Variants in RBFOX1 observed in about 807,000 individuals in gnomAD.
RBFOX1 encodes RNA binding protein fox-1 homolog 1.
RBFOX1 carries 8 observed loss-of-function variants against 57.7 expected under a neutral mutation model. The ratio of observed to expected loss-of-function variants is 0.14; its 90% confidence interval spans 0.08 to 0.25. The LOEUF is 0.25. Among genes scored for constraint, RBFOX1 ranks in the 10% least tolerant of loss-of-function variants. The pLI is 1.00. For synonymous variants in RBFOX1, 326 were observed against 222.4 expected, an observed-to-expected ratio of 1.47 and a Z score of -4.15; for missense variants, 611 against 548.5, an observed-to-expected ratio of 1.11 and a Z score of -1.14.
intron 3 of RBFOX1, among the ~76,000 whole-genome samples, chr16:6,680,669 A>T (rs954555051): frequency 2.0e-5 from 3 of 152,170 alleles, no homozygotes; most frequent in Admixed American, 2.0e-4. Context: ...TTCCACTATC[A>T]AAGTTTACCG....
intron 1 of RBFOX1, among the ~76,000 whole-genome samples, chr16:6,111,504 C>G (rs534419806): frequency 6.6e-6 from 1 of 152,168 alleles, no homozygotes; most frequent in African/African-American, 2.4e-5. Flanking sequence ...CAGTGAATTT[C>G]TTAAAAGGAT....
chr16:6,970,191 A>G (rs1370109433), intron 3 of RBFOX1, among the ~76,000 whole-genome samples: 3 of 151,364 alleles, frequency 2.0e-5, no homozygotes, highest in African/African-American at 7.3e-5. Context: ...AAAAATAAAA[A>G]AGAAAGAAAC....
intron 3 of RBFOX1, among the ~76,000 whole-genome samples, chr16:5,780,677 T>C (rs2054296981): frequency 6.6e-6 from 1 of 152,164 alleles, no homozygotes; most frequent in Non-Finnish European, 1.5e-5. Context: ...TATCCCATTC[T>C]CCAGTCTGAC....
chr16:7,155,470 C>G (rs2076892599), intron 4 of RBFOX1, among the ~76,000 whole-genome samples: 1 of 151,324 alleles, frequency 6.6e-6, no homozygotes, highest in East Asian at 2.0e-4. Flanking sequence ...GTGGTATGCA[C>G]TTGTAGTCTC....
intron 3 of RBFOX1, among the ~76,000 whole-genome samples, chr16:5,643,531 G>A (rs1596560932): frequency 1.3e-5 from 2 of 152,186 alleles, no homozygotes; most frequent in East Asian, 3.8e-4. Flanking sequence ...AAATCCAGAT[G>A]TGTACCCCAC....
At chr16:5,997,226 G>A (rs2060506461) in intron 4 of RBFOX1, among the ~76,000 whole-genome samples, 1 of 152,174 alleles carries the variant, frequency 6.6e-6, no homozygotes, top group Non-Finnish European at 1.5e-5. Context: ...GTCCAGGTCA[G>A]CCTCCTGCCT....
chr16:5,664,066 A>G (rs1275638268), intron 3 of RBFOX1, among the ~76,000 whole-genome samples: 1 of 152,194 alleles, frequency 6.6e-6, no homozygotes, highest in African/African-American at 2.4e-5. Context: ...CTTCTCTCGT[A>G]GAGACCCACC....
intron 3 of RBFOX1, among the ~76,000 whole-genome samples, chr16:5,642,033 C>T (rs529626338): frequency 6.6e-6 from 1 of 152,074 alleles, no homozygotes; most frequent in Non-Finnish European, 1.5e-5. Flanking sequence ...GGTATCTGGA[C>T]CACACTTTGA....
At chr16:7,063,572 A>T (rs1177550481) in intron 4 of RBFOX1, among the ~76,000 whole-genome samples, 1 of 152,212 alleles carries the variant, frequency 6.6e-6, no homozygotes, top group African/African-American at 2.4e-5. Context: ...AGAGTTGAGA[A>T]TAGTACTTTT....
At chr16:5,485,345 CAA>C (rs71142624) in intron 2 of RBFOX1, among the ~76,000 whole-genome samples, 1,435 of 51,640 alleles carry the variant, frequency 0.028, 63 homozygotes, top group African/African-American at 0.09. Context: ...GACTCCGTGT[CAA>C]AAAAAAAAAA....
At chr16:5,839,336 A>G (rs1428406124) in intron 3 of RBFOX1, among the ~76,000 whole-genome samples, 1 of 152,128 alleles carries the variant, frequency 6.6e-6, no homozygotes, top group South Asian at 2.1e-4. Flanking sequence ...CTGGGAGGGA[A>G]CTGATAGTTT....
chr16:6,066,279 G>C (rs1370342851), intron 1 of RBFOX1, among the ~76,000 whole-genome samples: 1 of 96,846 alleles, frequency 1.0e-5, no homozygotes, highest in Non-Finnish European at 1.8e-5. Flanking sequence ...TGACTACAGA[G>C]CAAGACTCTG....
intron 3 of RBFOX1, among the ~76,000 whole-genome samples, chr16:6,770,471 T>C (rs890964793): frequency 6.6e-6 from 1 of 152,252 alleles, no homozygotes; most frequent in African/African-American, 2.4e-5. Flanking sequence ...CGGCAGCTTT[T>C]GGGTACCACG....
At chr16:7,708,989 T>C in intron 14 of RBFOX1, 67 bp from the exon 15 acceptor site, 4 of 1,476,082 alleles carry the variant, frequency 2.7e-6, no homozygotes, top group Non-Finnish European at 3.8e-6. Context: ...GTATTTTGGA[T>C]TTTATGATTG....
chr16:7,046,965 C>A (rs928019693), intron 3 of RBFOX1, among the ~76,000 whole-genome samples: 4 of 151,730 alleles, frequency 2.6e-5, no homozygotes, highest in East Asian at 1.9e-4. Context: ...TCATGCACTT[C>A]CCTCCCCCCC....
chr16:5,613,205 C>G (rs1169187837), intron 3 of RBFOX1, among the ~76,000 whole-genome samples: 1 of 152,170 alleles, frequency 6.6e-6, no homozygotes, highest in African/African-American at 2.4e-5. Context: ...ACAAATCTTC[C>G]TTCAGGCTTC....
intron 2 of RBFOX1, among the ~76,000 whole-genome samples, chr16:6,390,395 T>C (rs1365429067): frequency 6.6e-6 from 1 of 152,174 alleles, no homozygotes; most frequent in East Asian, 1.9e-4. Flanking sequence ...TGTTTTACTT[T>C]GTGCCAATTA....
intron 4 of RBFOX1, among the ~76,000 whole-genome samples, chr16:7,394,010 C>T (rs543342592): frequency 6.6e-6 from 1 of 151,936 alleles, no homozygotes; most frequent in African/African-American, 2.4e-5. Context: ...CCAAGGTGGG[C>T]AGATCACCTG....
chr16:6,941,845 T>C (rs1227144248), intron 3 of RBFOX1, among the ~76,000 whole-genome samples: 1 of 152,074 alleles, frequency 6.6e-6, no homozygotes, highest in Non-Finnish European at 1.5e-5. Context: ...CCCCTAACTC[T>C]TTCCCATCTG....
Sources: gnomAD v4.1 joint callset for allele counts (sites outside exome capture counted in the v4.1 genomes callset) on GRCh38, gnomAD v4.1.1 for gene constraint, MANE v1.5 for transcripts, NCBI Gene and HGNC (gene_info 2026-07-23, HGNC 2026-07-21) for gene names.